Variants in TNR observed in about 807,000 individuals in gnomAD.
The protein encoded by TNR is tenascin R.
TNR carries 45 observed loss-of-function variants against 150.4 expected under a neutral mutation model. The observed-to-expected ratio is 0.30, with a 90% CI of 0.24 to 0.38. TNR has a LOEUF of 0.38. Ranked by LOEUF, TNR falls within the 10% of genes least tolerant of loss-of-function variation. The pLI is 1.00. For synonymous variants in TNR, 687 were observed against 678.4 expected (o/e 1.01, Z -0.20); for missense variants, 1,544 against 1,759.1 (o/e 0.88, Z 2.19).
At chr1:175,623,201 T>G (rs1395255704) in intron 1 of TNR, among the ~76,000 whole-genome samples, 2 of 152,220 alleles carry the variant, frequency 1.3e-5, no homozygotes, top group African/African-American at 4.8e-5. Flanking sequence ...ATAAACTCTG[T>G]GTATACAAAG....
At chr1:175,405,940 C>T (rs935605407) in intron 3 of TNR, among the ~76,000 whole-genome samples, 5 of 152,144 alleles carry the variant, frequency 3.3e-5, no homozygotes, top group Non-Finnish European at 5.9e-5. Flanking sequence ...ACTCATCCCC[C>T]CAAAATCAGG....
intron 1 of TNR, among the ~76,000 whole-genome samples, chr1:175,633,351 G>A (rs142622970): frequency 1.3e-5 from 2 of 151,976 alleles, no homozygotes; most frequent in African/African-American, 4.8e-5. Flanking sequence ...AGGTATGGCT[G>A]GCCCCCTTTG....
chr1:175,450,600 G>A lies in TNR; in HGVS notation c.-63-43823C>T, dbSNP rs550076961. Among the ~76,000 whole-genome samples the A allele has an allele frequency of 3.5e-4, 54 of 152,362 alleles. 1 individual carries two copies. Among genetic ancestry groups the A allele is most frequent in the African/African-American group, 1.3e-3 (53 of 41,580 alleles). Reference sequence around the variant, plus strand: ...GTTTTACTTGTCTTCTGGACAGTGAGCTCCGAGAGAACAAAGACTGTATCT... The same window carrying A: ...GTTTTACTTGTCTTCTGGACAGTGAACTCCGAGAGAACAAAGACTGTATCT... On this transcript the variant is annotated intron_variant, in intron 2 of 22. Coordinates refer to ENST00000367674, the MANE Select transcript of TNR (RefSeq NM_003285.3).
intron 1 of TNR, among the ~76,000 whole-genome samples, chr1:175,625,112 C>A (rs908149725): frequency 6.6e-6 from 1 of 152,220 alleles, no homozygotes; most frequent in Non-Finnish European, 1.5e-5. Context: ...CCTCTACTTA[C>A]CTGAAAAAGC....
intron 1 of TNR, among the ~76,000 whole-genome samples, chr1:175,681,333 C>T (rs1462740744): frequency 2.6e-5 from 4 of 152,094 alleles, no homozygotes; most frequent in East Asian, 3.9e-4. Context: ...TCTAAAGCAG[C>T]GATGTGGAAG....
intron 1 of TNR, among the ~76,000 whole-genome samples, chr1:175,651,655 T>A (rs1665000672): frequency 6.6e-6 from 1 of 152,004 alleles, no homozygotes; most frequent in Non-Finnish European, 1.5e-5. Flanking sequence ...TCAAACAAAA[T>A]AATCCCTACA....
intron 1 of TNR, among the ~76,000 whole-genome samples, chr1:175,704,427 G>A (rs1666789065): frequency 6.6e-6 from 1 of 152,178 alleles, no homozygotes; most frequent in African/African-American, 2.4e-5. Context: ...ATTGGGGAAT[G>A]GGGCATCTGC....
chr1:175,407,985 G>A (rs1654035762), intron 2 of TNR, among the ~76,000 whole-genome samples: 1 of 152,162 alleles, frequency 6.6e-6, no homozygotes, highest in Non-Finnish European at 1.5e-5. Context: ...AATTTTGCTA[G>A]GGTCAGATTC....
intron 22 of TNR, among the ~76,000 whole-genome samples, chr1:175,323,895 G>A (rs903515180): frequency 6.6e-6 from 1 of 152,146 alleles, no homozygotes; most frequent in Non-Finnish European, 1.5e-5. Flanking sequence ...GAACTGAAGG[G>A]CTTCCCTGAT....
chr1:175,741,466 A>C (rs2101963214), intron 1 of TNR, among the ~76,000 whole-genome samples: 1 of 152,354 alleles, frequency 6.6e-6, no homozygotes, highest in East Asian at 1.9e-4. Flanking sequence ...TGTGTCATGC[A>C]GAAATCTATC....
rs550298445 is a variant in TNR, at chr1:175,426,758, G to C, written c.-63-19981C>G. ...AATGTGTGTTTATATCTATACACGCGTGTGTGTGTATAAATATATATACAG... is the reference window on the plus strand; with the variant it reads ...AATGTGTGTTTATATCTATACACGCCTGTGTGTGTATAAATATATATACAG... On this transcript the variant is annotated intron_variant, in intron 2 of 22. Transcript: ENST00000367674. Among the ~76,000 whole-genome samples the C allele has an allele frequency of 6.2e-4, 83 of 133,844 alleles. 1 individual carries two copies. The highest frequency in any genetic ancestry group is 1.6e-3 in the African/African-American group (62 of 37,904). 87.8% of individuals were successfully genotyped at this position (133,844 alleles called of 152,430 possible).
intron 1 of TNR, among the ~76,000 whole-genome samples, chr1:175,566,366 G>A (rs1276810327): frequency 2.0e-5 from 3 of 152,232 alleles, no homozygotes; most frequent in East Asian, 1.9e-4. Context: ...GGACGAGAGC[G>A]GGTGGTGAAG....
intron 2 of TNR, among the ~76,000 whole-genome samples, chr1:175,469,215 C>A (rs563757685): frequency 1.3e-5 from 2 of 152,040 alleles, no homozygotes; most frequent in African/African-American, 4.8e-5. Flanking sequence ...AGAGATGCAC[C>A]TTGTTCTCTG....
chr1:175,369,697 G>T (rs1379274807), intron 9 of TNR, among the ~76,000 whole-genome samples: 1 of 152,164 alleles, frequency 6.6e-6, no homozygotes, highest in Non-Finnish European at 1.5e-5. Flanking sequence ...AGAGTTCAGG[G>T]CTTTTAGGAG....
intron 2 of TNR, among the ~76,000 whole-genome samples, chr1:175,442,047 G>A (rs1655814484): frequency 6.6e-6 from 1 of 152,214 alleles, no homozygotes; most frequent in South Asian, 2.1e-4. Context: ...TGATGGTGGA[G>A]TCTCTGGGAC....
intron 15 of TNR, among the ~76,000 whole-genome samples, chr1:175,356,680 G>T (rs369769045): frequency 7.9e-5 from 12 of 152,178 alleles, no homozygotes; most frequent in African/African-American, 2.9e-4. Flanking sequence ...AGGTCAAATT[G>T]TCTTCTCTAT....
In TNR at chr1:175,321,869, GACCAAAAAAGAAAAAA is replaced by G. The variant is rs1649070061; in HGVS notation, c.*1472_*1487del. ...AGAAGGTCATTCCTGTTTCCCATAG[GACCAAAAAAGAAAAAA>G]AAAATCAACCTCTTTCCAGGATTAT... On this transcript the variant is annotated 3_prime_UTR_variant, in exon 23 of 23. Coordinates refer to ENST00000367674, the MANE Select transcript of TNR (RefSeq NM_003285.3). 1 of 151,384 alleles carries G rather than the reference GACCAAAAAAGAAAAAA, an allele frequency of 6.6e-6. No homozygotes were observed. Among genetic ancestry groups the G allele is most frequent in the Admixed American group, 6.6e-5 (1 of 15,232 alleles). 9.4% of individuals were successfully genotyped at this position (151,384 alleles called of 1,614,324 possible). A position where few individuals can be genotyped will look rare whatever the true frequency, so the allele number is the denominator to read the frequency against.
At chr1:175,702,689 G>A (rs1666730981) in intron 1 of TNR, among the ~76,000 whole-genome samples, 1 of 152,224 alleles carries the variant, frequency 6.6e-6, no homozygotes, top group South Asian at 2.1e-4. Flanking sequence ...GAATGGCAGT[G>A]TCTGCACTAC....
At chr1:175,718,833 T>C (rs1259180152) in intron 1 of TNR, among the ~76,000 whole-genome samples, 2 of 152,182 alleles carry the variant, frequency 1.3e-5, no homozygotes, top group African/African-American at 4.8e-5. Context: ...ATGCAAGTTT[T>C]CCGACTCCAT....
Sources: gnomAD v4.1 joint callset for allele counts (sites outside exome capture counted in the v4.1 genomes callset) on GRCh38, gnomAD v4.1.1 for gene constraint, MANE v1.5 for transcripts, NCBI Gene and HGNC (gene_info 2026-07-23, HGNC 2026-07-21) for gene names.